COL4A6: variants seen among roughly 807,000 people sequenced by gnomAD.
The protein encoded by COL4A6 is collagen alpha-6(IV) chain.
Under a neutral mutation model 126.7 loss-of-function variants are expected in COL4A6, and 59 were observed. The observed-to-expected ratio is 0.47, with a 90% CI of 0.38 to 0.58. COL4A6 has a LOEUF of 0.58. COL4A6 is among the 20% of genes least tolerant of loss of function. COL4A6 has a pLI of 0.00. For synonymous variants in COL4A6, 547 were observed against 496.6 expected, an observed-to-expected ratio of 1.10 and a Z score of -1.35; for missense variants, 1,285 against 1,337.3, an observed-to-expected ratio of 0.96 and a Z score of 0.61.
At chrX:108,226,358 T>C (rs2036166098) in intron 3 of COL4A6, among the ~76,000 whole-genome samples, 1 of 111,785 alleles carries the variant, frequency 8.9e-6, no homozygotes, top group African/African-American at 3.3e-5. Flanking sequence ...GCGACCCTCT[T>C]TGGGGGCAGA....
chrX:108,196,174 T>C (rs780691702), intron 14 of COL4A6, among the ~76,000 whole-genome samples: 29 of 111,239 alleles, frequency 2.6e-4, no homozygotes, highest in African/African-American at 9.1e-4. Context: ...CAGAATAGAA[T>C]GGAATGAAAG....
In COL4A6 at chrX:108,166,243, CA is replaced by C. The variant is rs1233449876; in HGVS notation, c.3692-758del. On this transcript the variant is annotated intron_variant, in intron 37 of 44. Coordinates refer to ENST00000334504, the MANE Select transcript of COL4A6 (RefSeq NM_033641.4). ...ATTTCTATTGTAATATGTTCAAAAC[CA>C]AAACTTTCATCTGATCACAGAAGAT... Among the ~76,000 whole-genome samples the C allele has an allele frequency of 4.4e-3, 489 of 112,348 alleles. 3 individuals are homozygous for C. Among genetic ancestry groups the C allele is most frequent in the African/African-American group, 0.015 (456 of 30,920 alleles).
intron 2 of COL4A6, among the ~76,000 whole-genome samples, chrX:108,338,360 A>C (rs1291951026): frequency 8.9e-6 from 1 of 112,164 alleles, no homozygotes; most frequent in Non-Finnish European, 1.9e-5. Flanking sequence ...GAAAGAGTGA[A>C]GTTACATGAG....
chrX:108,397,767 A>G (rs1300336720), intron 2 of COL4A6, among the ~76,000 whole-genome samples: 1 of 111,670 alleles, frequency 9.0e-6, no homozygotes, highest in South Asian at 3.8e-4. Flanking sequence ...CTGCCTACAC[A>G]TGTAGGTCCT....
chrX:108,271,957 AAAGCTAATT>A (rs1225352274), intron 3 of COL4A6, among the ~76,000 whole-genome samples: 1 of 112,198 alleles, frequency 8.9e-6, no homozygotes, highest in Non-Finnish European at 1.9e-5. Context: ...ATAACATCTG[AAAGCTAATT>A]AACCAGTTTA....
chrX:108,342,348 T>C, intron 2 of COL4A6, among the ~76,000 whole-genome samples: 2 of 112,112 alleles, frequency 1.8e-5, no homozygotes, highest in Middle Eastern at 9.2e-3. Context: ...CAATAAATTG[T>C]ATTCTAGTCT....
intron 2 of COL4A6, among the ~76,000 whole-genome samples, chrX:108,416,152 T>A (rs1453496080): frequency 8.9e-6 from 1 of 112,044 alleles, no homozygotes; most frequent in East Asian, 2.8e-4. Flanking sequence ...AACAGGAGAT[T>A]TGGGCTTAGT....
At chrX:108,294,298 A>T (rs867293391) in intron 3 of COL4A6, among the ~76,000 whole-genome samples, 1 of 111,646 alleles carries the variant, frequency 9.0e-6, no homozygotes, top group African/African-American at 3.3e-5. Flanking sequence ...AAACAAAAGT[A>T]GGTCTAACAA....
intron 2 of COL4A6, among the ~76,000 whole-genome samples, chrX:108,373,814 C>T (rs2040377933): frequency 8.9e-6 from 1 of 112,230 alleles, no homozygotes; most frequent in Non-Finnish European, 1.9e-5. Context: ...ATTTCTATAA[C>T]TAGCTTAACT....
chrX:108,432,482 G>A (rs1007920432), intron 2 of COL4A6, among the ~76,000 whole-genome samples: 93 of 111,851 alleles, frequency 8.3e-4, no homozygotes, highest in African/African-American at 2.9e-3. Flanking sequence ...AGAATTATGG[G>A]ATTCAGGATT....
At chrX:108,215,561 G>T (rs147462166) in intron 5 of COL4A6, among the ~76,000 whole-genome samples, 1 of 111,422 alleles carries the variant, frequency 9.0e-6, no homozygotes, top group Non-Finnish European at 1.9e-5. Flanking sequence ...GCTCCCTTTC[G>T]TTCTGTCTTC....
At chrX:108,276,074 C>A (rs937966862) in intron 3 of COL4A6, among the ~76,000 whole-genome samples, 1 of 112,753 alleles carries the variant, frequency 8.9e-6, no homozygotes, top group South Asian at 3.7e-4. Context: ...AAATTTCATT[C>A]GTGATTTCTC....
At chrX:108,204,073 G>A (rs942381045) in intron 12 of COL4A6, among the ~76,000 whole-genome samples, 2 of 110,896 alleles carry the variant, frequency 1.8e-5, no homozygotes, top group Non-Finnish European at 3.8e-5. Flanking sequence ...AGAAAATAGC[G>A]CTTAAATGAA....
intron 3 of COL4A6, among the ~76,000 whole-genome samples, chrX:108,280,821 G>A (rs1365225239): frequency 9.0e-6 from 1 of 111,537 alleles, no homozygotes; most frequent in Non-Finnish European, 1.9e-5. Flanking sequence ...TCATCCCTGG[G>A]ATGCAAGGCT....
chrX:108,394,476 CT>C (rs1180611997), intron 2 of COL4A6, among the ~76,000 whole-genome samples: 1 of 110,805 alleles, frequency 9.0e-6, no homozygotes, highest in Non-Finnish European at 1.9e-5. Flanking sequence ...ACTTCAATTA[CT>C]TTTGCACCAA....
intron 2 of COL4A6, among the ~76,000 whole-genome samples, chrX:108,436,591 T>G (rs1242599343): frequency 2.8e-5 from 3 of 108,583 alleles, no homozygotes; most frequent in Admixed American, 1.9e-4. Flanking sequence ...TTTCAATTAA[T>G]GTAGTTATTG....
intron 23 of COL4A6, among the ~76,000 whole-genome samples, chrX:108,181,379 C>T (rs745946411): frequency 1.1e-4 from 12 of 112,355 alleles, no homozygotes; most frequent in Non-Finnish European, 1.9e-4. Context: ...GTCCATTATG[C>T]TTATTTGACT....
intron 3 of COL4A6, among the ~76,000 whole-genome samples, chrX:108,251,893 A>T (rs780811332): frequency 4.5e-5 from 5 of 111,620 alleles, no homozygotes; most frequent in Non-Finnish European, 7.6e-5. Context: ...GTACAGTGTG[A>T]TGTTTCAATC....
intron 3 of COL4A6, among the ~76,000 whole-genome samples, chrX:108,247,963 G>A (rs1343191751): frequency 9.0e-6 from 1 of 111,469 alleles, no homozygotes; most frequent in Non-Finnish European, 1.9e-5. Context: ...AAAATGTTAA[G>A]CATCTGTGCA....
Sources: gnomAD v4.1 joint callset for allele counts (sites outside exome capture counted in the v4.1 genomes callset) on GRCh38, gnomAD v4.1.1 for gene constraint, MANE v1.5 for transcripts, NCBI Gene and HGNC (gene_info 2026-07-23, HGNC 2026-07-21) for gene names.